WDTC1: variants seen among roughly 807,000 people sequenced by gnomAD.
WDTC1 encodes WD and tetratricopeptide repeats 1.
Under a neutral mutation model 76.0 loss-of-function variants are expected in WDTC1, and 12 were observed. That is an observed-to-expected ratio of 0.16 (90% CI 0.10 to 0.26). The LOEUF is 0.26. Ranked by LOEUF, WDTC1 falls within the 10% of genes least tolerant of loss-of-function variation. The pLI, the probability that WDTC1 is intolerant of heterozygous loss-of-function variation, is 1.00. For synonymous variants in WDTC1, 326 were observed against 350.8 expected (o/e 0.93, Z 0.79); for missense variants, 511 against 908.8 (o/e 0.56, Z 5.63).
chr1:27,239,362 A>G (rs1390121364), intron 1 of WDTC1, among the ~76,000 whole-genome samples: 1 of 150,856 alleles, frequency 6.6e-6, no homozygotes, highest in Non-Finnish European at 1.5e-5. Flanking sequence ...TACAAAAAGA[A>G]AATTTAAAAA....
At chr1:27,289,829 AC>A (rs2013480242) in intron 6 of WDTC1, among the ~76,000 whole-genome samples, 1 of 152,180 alleles carries the variant, frequency 6.6e-6, no homozygotes, top group African/African-American at 2.4e-5. Context: ...CCAAAAAAAT[AC>A]GAAAACCAGT....
At position 27,269,236 on chromosome 1, in the gene WDTC1, G is replaced by T. The variant is rs538532210; in HGVS notation, c.132+6001G>T. Among the ~76,000 whole-genome samples, 6 of 150,060 alleles carry T rather than the reference G, an allele frequency of 4.0e-5. No individual in the cohort carries two copies. The South Asian group carries it at 1.3e-3, about 32-fold the overall frequency. On this transcript the variant is annotated intron_variant, in intron 3 of 15. Coordinates refer to ENST00000319394, the MANE Select transcript of WDTC1 (RefSeq NM_001276252.2). The stretch of plus-strand genomic sequence containing the variant: ...CATGCCTATAGTCCCCAGCTACTTG[G>T]GAGGCTGAGGCAGTAGGATCGCTTG...
chr1:27,293,198 C>T (rs112178819), intron 7 of WDTC1, among the ~76,000 whole-genome samples: 7 of 149,444 alleles, frequency 4.7e-5, no homozygotes, highest in South Asian at 2.1e-4. Flanking sequence ...TTTGGGAGGC[C>T]GAGGCAGGCG....
At chr1:27,237,335 G>C (rs534099106) in intron 1 of WDTC1, among the ~76,000 whole-genome samples, 1 of 152,278 alleles carries the variant, frequency 6.6e-6, no homozygotes, top group African/African-American at 2.4e-5. Flanking sequence ...GTCTCAGAGA[G>C]GAAGTCAAAC....
chr1:27,282,399 A>T, intron 4 of WDTC1, 114 bp downstream of exon 4: 2 of 992,234 alleles, frequency 2.0e-6, no homozygotes, highest in Non-Finnish European at 1.5e-6. Context: ...ATGAAAAGAG[A>T]CTGCTGCTGT....
intron 9 of WDTC1, among the ~76,000 whole-genome samples, chr1:27,295,447 A>C (rs758069898): frequency 1.3e-5 from 2 of 149,734 alleles, no homozygotes; most frequent in African/African-American, 2.4e-5. Context: ...TAAACATGTG[A>C]CGTGTTTTTT....
At position 27,298,131 on chromosome 1, in the gene WDTC1, G is replaced by A; in HGVS notation, c.1232+20G>A. On this transcript the variant is annotated intron_variant, in intron 12 of 15. Coordinates refer to ENST00000319394, the MANE Select transcript of WDTC1 (RefSeq NM_001276252.2). ...CAAGTGGTGAGTGGCCACTGCAGAG[G>A]GGATCTGGGTCAGGATGAGGGAGAA... 1 of 1,571,882 alleles carries A rather than the reference G, an allele frequency of 6.4e-7. No individual in the cohort carries two copies. The highest frequency in any genetic ancestry group is 1.1e-5 in the South Asian group (1 of 87,542).
chr1:27,257,019 C>T (rs1222607143), intron 1 of WDTC1, among the ~76,000 whole-genome samples: 1 of 152,010 alleles, frequency 6.6e-6, no homozygotes, highest in Non-Finnish European at 1.5e-5. Context: ...CCTGCCACCA[C>T]GCCCGGCTAA....
At chr1:27,269,531 AGACGATG>A (rs2012789495) in intron 3 of WDTC1, among the ~76,000 whole-genome samples, 1 of 151,076 alleles carries the variant, frequency 6.6e-6, no homozygotes, top group Admixed American at 6.6e-5. Flanking sequence ...GCTACGTGGA[AGACGATG>A]GACAATGGAG....
intron 1 of WDTC1, among the ~76,000 whole-genome samples, chr1:27,256,009 G>A (rs920303291): frequency 2.2e-4 from 34 of 152,096 alleles, no homozygotes; most frequent in Non-Finnish European, 1.3e-4. Context: ...CTATCAGGCA[G>A]GATTTGTAGT....
chr1:27,236,912 C>T (rs2011501050), intron 1 of WDTC1, among the ~76,000 whole-genome samples: 1 of 152,182 alleles, frequency 6.6e-6, no homozygotes, highest in Admixed American at 6.5e-5. Context: ...GATCTCAGCT[C>T]ACTGCAACCT....
intron 13 of WDTC1, among the ~76,000 whole-genome samples, chr1:27,302,535 T>C (rs1371959886): frequency 2.0e-5 from 3 of 151,574 alleles, no homozygotes; most frequent in Non-Finnish European, 4.4e-5. Context: ...AGGAGTTCAA[T>C]ATCAGCTAGG....
intron 3 of WDTC1, among the ~76,000 whole-genome samples, chr1:27,269,606 G>GTTTTTTTTTTTTTTTGTTT (rs56885576): frequency 8.4e-6 from 1 of 119,478 alleles, no homozygotes; most frequent in Admixed American, 1.1e-4. Context: ...TTTGTTTTTT[G>GTTTTTTTTTTTTTTTGTTT]TTTTTTTTTT....
chr1:27,288,147 C>T, intron 6 of WDTC1, among the ~76,000 whole-genome samples: 1 of 152,116 alleles, frequency 6.6e-6, no homozygotes, highest in African/African-American at 2.4e-5. Flanking sequence ...TTACTCTTTC[C>T]TCTACTTGAG....
chr1:27,263,493 G>T (rs910842015), intron 3 of WDTC1, among the ~76,000 whole-genome samples: 1 of 152,072 alleles, frequency 6.6e-6, no homozygotes, highest in African/African-American at 2.4e-5. Flanking sequence ...GAGTGCGGTG[G>T]CACGATCTCT....
chr1:27,259,190 T>C (rs529206684), intron 1 of WDTC1, among the ~76,000 whole-genome samples: 1 of 152,242 alleles, frequency 6.6e-6, no homozygotes, highest in Admixed American at 6.5e-5. Context: ...AACAGGGTCT[T>C]GTTCTGTCAC....
At chr1:27,286,698 G>A (rs1474762530) in intron 5 of WDTC1, among the ~76,000 whole-genome samples, 2 of 151,588 alleles carry the variant, frequency 1.3e-5, no homozygotes, top group Non-Finnish European at 2.9e-5. Flanking sequence ...TCCTGACCTT[G>A]TGATCTGCCC....
At position 27,298,061 on chromosome 1, in the gene WDTC1, C is replaced by T. The variant is rs751629370; in HGVS notation, c.1182C>T (p.His394=). 1.9e-5 allele frequency: 30 copies of T among 1,613,624 alleles called. No homozygotes were observed. Among genetic ancestry groups the T allele is most frequent in the Non-Finnish European group, 1.9e-5 (23 of 1,179,742 alleles). ...LYSKAVQRAP[H]NAMLYGNRAA... ...GCAAGGCTGTGCAGAGGGCCCCTCA[C>T]AATGCCATGCTTTATGGAAACCGAG... The change falls in exon 12 of 16, where the codon CAC becomes CAT. Residue 394 remains histidine, a synonymous_variant. Coordinates refer to ENST00000319394, the MANE Select transcript of WDTC1 (RefSeq NM_001276252.2).
chr1:27,296,449 T>C, intron 10 of WDTC1, 48 bp downstream of exon 10: 1 of 1,592,184 alleles, frequency 6.3e-7, no homozygotes. Flanking sequence ...TAGGGGAGCT[T>C]AAGTGCATGC....
Sources: allele counts gnomAD v4.1 joint callset (sites outside exome capture counted in the v4.1 genomes callset), GRCh38; gene constraint gnomAD v4.1.1; transcripts MANE v1.5; gene names NCBI Gene and HGNC (gene_info 2026-07-23, HGNC 2026-07-21).